The following RPS6KA6 variants were observed in gnomAD, a reference collection of about 807,000 sequenced individuals.
The protein encoded by RPS6KA6 is ribosomal protein S6 kinase A6, also known as ribosomal protein S6 kinase alpha-6.
In RPS6KA6, 27 loss-of-function variants were observed where a neutral mutation model predicts 65.4. The ratio of observed to expected loss-of-function variants is 0.41; its 90% CI spans 0.30 to 0.57. The LOEUF (loss-of-function observed/expected upper bound fraction) is 0.57, where lower values mean the gene tolerates loss of function less well. Ranked by LOEUF, RPS6KA6 falls within the 20% of genes least tolerant of loss-of-function variation. The pLI, the probability that RPS6KA6 is intolerant of heterozygous loss-of-function variation, is 0.24. For missense variants in RPS6KA6, 486 were observed against 555.6 expected, an observed-to-expected ratio of 0.87 and a Z score of 1.26; for synonymous variants, 190 against 184.2, an observed-to-expected ratio of 1.03 and a Z score of -0.26.
chrX:84,067,023 A>G (rs781620568), intron 20 of RPS6KA6, among the ~76,000 whole-genome samples: 39 of 112,029 alleles, frequency 3.5e-4, no homozygotes, highest in Admixed American at 3.3e-3. Context: ...GCAGACTTGC[A>G]GAATAGGGGC....
intron 20 of RPS6KA6, among the ~76,000 whole-genome samples, chrX:84,087,758 C>T (rs987274531): frequency 1.8e-5 from 2 of 111,795 alleles, no homozygotes; most frequent in Non-Finnish European, 3.8e-5. Context: ...TGTTTTCCAA[C>T]TTGGTTCCAT....
chrX:84,073,483 A>G (rs1229087186), intron 20 of RPS6KA6, among the ~76,000 whole-genome samples: 2 of 111,814 alleles, frequency 1.8e-5, no homozygotes, highest in African/African-American at 6.5e-5. Context: ...ATTTTTGGGC[A>G]AGAATTCAAA....
chrX:84,094,717 T>C (rs1416285147), intron 20 of RPS6KA6, among the ~76,000 whole-genome samples: 1 of 111,495 alleles, frequency 9.0e-6, no homozygotes, highest in Non-Finnish European at 1.9e-5. Context: ...GAACTTGTTC[T>C]ACAAAGATTC....
At chrX:84,081,347 CAAAT>C (rs748199256) in intron 20 of RPS6KA6, among the ~76,000 whole-genome samples, 20 of 111,927 alleles carry the variant, frequency 1.8e-4, no homozygotes, top group Non-Finnish European at 3.6e-4. Flanking sequence ...CAACTCTACA[CAAAT>C]AAACTAGAAA....
rs1319205315 is a variant in RPS6KA6 at position 84,104,488 on chromosome X, C to G, written c.1614+11G>C. The stretch of plus-strand genomic sequence containing the variant: ...CCCAGAATAGAAAGAAAAAAGTTAA[C>G]TACAACTTACTCCTTGACAATGAAG... On this transcript the variant is annotated intron_variant, in intron 17 of 21. Transcript: ENST00000262752. The G allele has an allele frequency of 3.7e-6, 4 of 1,086,320 alleles. No individual in the cohort carries two copies. Among genetic ancestry groups the G allele is most frequent in the Non-Finnish European group, 4.8e-6 (4 of 827,207 alleles). The allele number at this position is 1,086,320 out of a possible 1,213,427, so 89.5% of individuals were successfully genotyped here.
chrX:84,156,293 A>G (rs949916534), intron 2 of RPS6KA6, 102 bp from the exon 3 acceptor site: 8 of 460,878 alleles, frequency 1.7e-5, no homozygotes, highest in Non-Finnish European at 3.1e-5. Context: ...AACTCCCTCA[A>G]TGTAGCAGAG....
chrX:84,114,662 G>A (rs1371073274), intron 12 of RPS6KA6, among the ~76,000 whole-genome samples: 1 of 111,674 alleles, frequency 9.0e-6, no homozygotes, highest in Non-Finnish European at 1.9e-5. Context: ...GCAACCCTAA[G>A]TAAAATTAAC....
chrX:84,068,800 ATAGT>A, intron 20 of RPS6KA6, among the ~76,000 whole-genome samples: 1 of 111,861 alleles, frequency 8.9e-6, no homozygotes, highest in Middle Eastern at 4.6e-3. Flanking sequence ...GAGCCAAATC[ATAGT>A]TAAATTCCCA....
intron 20 of RPS6KA6, among the ~76,000 whole-genome samples, chrX:84,081,626 A>G (rs1227582770): frequency 8.9e-6 from 1 of 111,744 alleles, no homozygotes; most frequent in Non-Finnish European, 1.9e-5. Flanking sequence ...TGAGGCCAGT[A>G]TCATCCTGAG....
At chrX:84,079,990 C>T (rs1432362173) in intron 20 of RPS6KA6, among the ~76,000 whole-genome samples, 1 of 111,802 alleles carries the variant, frequency 8.9e-6, no homozygotes, top group Non-Finnish European at 1.9e-5. Context: ...GGACAGACTG[C>T]CTCCTCAAGT....
chrX:84,116,980 C>A (rs1277533316), intron 11 of RPS6KA6, 80 bp downstream of exon 11: 10 of 659,247 alleles, frequency 1.5e-5, no homozygotes, highest in Non-Finnish European at 2.2e-6. Context: ...GTGCTCAAAT[C>A]AAACAAGAAA....
Position 84,134,721 on chromosome X carries a change from T to C in RPS6KA6, c.646+61A>G, listed in dbSNP as rs756205885. 5.6e-5 allele frequency: 43 copies of C among 773,871 alleles called. 2 individuals carry two copies. In the South Asian group the frequency reaches 1.0e-3, roughly 18 times the overall value. The allele number at this position is 773,871 out of a possible 1,213,427, so 63.8% of individuals were successfully genotyped here. ...AAAAAAACAGGCTTAGACAAATTTA[T>C]ATTAAAATAATAAAAAATATGAATC... On this transcript the variant is annotated intron_variant, in intron 8 of 21. Transcript: ENST00000262752.
chrX:84,072,363 T>TA (rs758421920), intron 20 of RPS6KA6, among the ~76,000 whole-genome samples: 4 of 111,675 alleles, frequency 3.6e-5, no homozygotes, highest in African/African-American at 9.7e-5. Context: ...CCATTAATGA[T>TA]AAAAAACATT....
chrX:84,138,965 A>G (rs1399192163), intron 6 of RPS6KA6, among the ~76,000 whole-genome samples: 2 of 111,858 alleles, frequency 1.8e-5, no homozygotes, highest in Non-Finnish European at 3.8e-5. Flanking sequence ...AGGTATAAAA[A>G]CATGTCCTCA....
At chrX:84,110,674 C>T (rs187420891) in intron 12 of RPS6KA6, among the ~76,000 whole-genome samples, 134 of 111,345 alleles carry the variant, frequency 1.2e-3, no homozygotes, top group African/African-American at 4.0e-3. Context: ...GTCACACCCC[C>T]CAAGAGGGGC....
At chrX:84,132,972 C>G (rs1456631360) in intron 8 of RPS6KA6, among the ~76,000 whole-genome samples, 1 of 108,241 alleles carries the variant, frequency 9.2e-6, no homozygotes, top group Non-Finnish European at 1.9e-5. Flanking sequence ...AGAATGCTAG[C>G]AAACACCCTC....
Position 84,120,367 on chromosome X carries a change from G to A in RPS6KA6, c.647-340C>T, listed in dbSNP as rs193153704. On this transcript the variant is annotated intron_variant, in intron 8 of 21. Transcript: ENST00000262752. ...AATAGACTAAGACAAAACAGAAATA[G>A]TAACTTATACTTTTTAAAATATTAA... is the stretch of plus-strand genomic sequence containing the variant. Among the ~76,000 whole-genome samples the A allele has an allele frequency of 6.5e-3, 726 of 111,446 alleles. 3 individuals are homozygous for A. The highest frequency in any genetic ancestry group is 0.011 in the Non-Finnish European group (571 of 52,909).
intron 20 of RPS6KA6, among the ~76,000 whole-genome samples, chrX:84,095,822 T>C (rs1056124304): frequency 1.8e-5 from 2 of 111,647 alleles, no homozygotes; most frequent in Non-Finnish European, 3.8e-5. Context: ...ATTATAAAAA[T>C]TGTCTACATA....
intron 12 of RPS6KA6, among the ~76,000 whole-genome samples, chrX:84,111,266 T>C (rs1250815003): frequency 1.8e-5 from 2 of 111,147 alleles, no homozygotes; most frequent in East Asian, 2.8e-4. Context: ...GAAAGCATAA[T>C]TGAGGAACTA....
Sources: allele counts gnomAD v4.1 joint callset (sites outside exome capture counted in the v4.1 genomes callset), GRCh38; gene constraint gnomAD v4.1.1; transcripts MANE v1.5; gene names NCBI Gene and HGNC (gene_info 2026-07-23, HGNC 2026-07-21).